Variants in NRG1 observed in about 807,000 individuals in gnomAD.
The protein encoded by NRG1 is neuregulin 1.
A neutral mutation model predicts 63.8 loss-of-function variants in NRG1; 18 were observed. The ratio of observed to expected loss-of-function variants is 0.28; its 90% confidence interval spans 0.19 to 0.42. The LOEUF is 0.42. NRG1 is among the 10% of genes least tolerant of loss of function. NRG1 has a pLI of 1.00. For synonymous variants in NRG1, 302 were observed against 301.3 expected (o/e 1.00, Z -0.02); for missense variants, 762 against 814.7 (o/e 0.94, Z 0.79).
Position 31,862,400 on chromosome 8 carries a change from A to G in NRG1, c.37+222969A>G, listed in dbSNP as rs553108831. On this transcript the variant is annotated intron_variant, in intron 1 of 10. Transcript: ENST00000519301. Reference sequence around the variant, plus strand: ...AGAAGAGAGGAAAATAGTCAATCTGATAGACTGGTGACATTCCATGTAGCC... The same window carrying G: ...AGAAGAGAGGAAAATAGTCAATCTGGTAGACTGGTGACATTCCATGTAGCC... Among the ~76,000 whole-genome samples the G allele has an allele frequency of 5.9e-5, 9 of 152,348 alleles. No individual in the cohort carries two copies. In the East Asian group the frequency reaches 1.7e-3, roughly 29 times the overall value.
At chr8:32,492,023 T>C (rs772289326) in intron 1 of NRG1, among the ~76,000 whole-genome samples, 6 of 152,130 alleles carry the variant, frequency 3.9e-5, no homozygotes, top group Non-Finnish European at 5.9e-5. Context: ...TCATGTATTC[T>C]ACACAAAGCT....
chr8:31,934,373 ATCTT>A (rs1835114991), intron 1 of NRG1, among the ~76,000 whole-genome samples: 1 of 147,664 alleles, frequency 6.8e-6, no homozygotes, highest in Non-Finnish European at 1.5e-5. Flanking sequence ...ACATATATAT[ATCTT>A]TCTCCCCCTA....
chr8:31,892,512 T>G (rs1831233586), intron 1 of NRG1, among the ~76,000 whole-genome samples: 1 of 152,124 alleles, frequency 6.6e-6, no homozygotes, highest in Admixed American at 6.5e-5. Context: ...GGGGAAGTGC[T>G]TAATATATAA....
At chr8:32,196,828 T>TGA (rs1202772255) in intron 1 of NRG1, among the ~76,000 whole-genome samples, 1 of 151,910 alleles carries the variant, frequency 6.6e-6, no homozygotes, top group Non-Finnish European at 1.5e-5. Flanking sequence ...TCTAGCATGA[T>TGA]ATTATTCTAT....
At chr8:31,812,815 G>A (rs1823021572) in intron 1 of NRG1, among the ~76,000 whole-genome samples, 2 of 152,164 alleles carry the variant, frequency 1.3e-5, no homozygotes, top group African/African-American at 4.8e-5. Flanking sequence ...CAGATATCAA[G>A]AGAGCAAAAT....
chr8:31,664,857 A>G (rs1806362630), intron 1 of NRG1, among the ~76,000 whole-genome samples: 1 of 152,236 alleles, frequency 6.6e-6, no homozygotes, highest in Admixed American at 6.5e-5. Flanking sequence ...ATAAAGTGAT[A>G]TGGAAAGCAT....
chr8:32,621,541 C>G (rs1046198216), intron 5 of NRG1, among the ~76,000 whole-genome samples: 6 of 152,180 alleles, frequency 3.9e-5, no homozygotes, highest in Non-Finnish European at 8.8e-5. Flanking sequence ...TTATACCAAC[C>G]ACTTTGCTGA....
At chr8:31,963,805 C>A (rs167858) in intron 1 of NRG1, among the ~76,000 whole-genome samples, 129,105 of 152,114 alleles carry the variant, frequency 0.85, 55,646 homozygotes, top group African/African-American at 0.96. Context: ...ACTTTCCGCT[C>A]TCAGGGGTTA....
chr8:32,033,034 C>G (rs1346193994), intron 1 of NRG1, among the ~76,000 whole-genome samples: 3 of 152,050 alleles, frequency 2.0e-5, no homozygotes, highest in Admixed American at 2.0e-4. Flanking sequence ...TATCCTTTCC[C>G]CATTGCTTGT....
intron 1 of NRG1, among the ~76,000 whole-genome samples, chr8:32,518,623 A>G (rs971261237): frequency 1.3e-5 from 2 of 152,194 alleles, no homozygotes; most frequent in East Asian, 1.9e-4. Flanking sequence ...TGACCATCCA[A>G]TTCTGCAAAG....
At chr8:31,758,478 A>G (rs1382190328) in intron 1 of NRG1, among the ~76,000 whole-genome samples, 1 of 152,194 alleles carries the variant, frequency 6.6e-6, no homozygotes, top group Non-Finnish European at 1.5e-5. Context: ...ATGCCCATCA[A>G]TGATACACTG....
chr8:31,705,235 T>G (rs950297800), intron 1 of NRG1, among the ~76,000 whole-genome samples: 1 of 151,942 alleles, frequency 6.6e-6, no homozygotes, highest in African/African-American at 2.4e-5. Flanking sequence ...TTTAGTAGAG[T>G]TGGGGTTTCA....
chr8:31,931,363 C>G (rs114696774), intron 1 of NRG1, among the ~76,000 whole-genome samples: 1,600 of 152,192 alleles, frequency 0.011, 26 homozygotes, highest in African/African-American at 0.037. Context: ...CATGAAGGTC[C>G]AGGCTTGGAC....
intron 1 of NRG1, among the ~76,000 whole-genome samples, chr8:32,059,602 T>G (rs1264984051): frequency 2.0e-5 from 3 of 152,034 alleles, no homozygotes; most frequent in Admixed American, 1.3e-4. Flanking sequence ...TTTCGAAATT[T>G]GAAAGCTCTG....
chr8:31,708,446 GTT>G (rs771665636), intron 1 of NRG1, among the ~76,000 whole-genome samples: 4 of 85,484 alleles, frequency 4.7e-5, no homozygotes, highest in Admixed American at 1.3e-4. Flanking sequence ...AAACATAATT[GTT>G]TTTTTTTTTT....
At chr8:32,510,469 G>A (rs1829046069) in intron 1 of NRG1, among the ~76,000 whole-genome samples, 2 of 151,544 alleles carry the variant, frequency 1.3e-5, no homozygotes, top group South Asian at 2.1e-4. Context: ...AAGGTGAGAA[G>A]ATGAAGACCT....
At chr8:32,725,785 A>G (rs549429874) in intron 5 of NRG1, among the ~76,000 whole-genome samples, 4 of 152,002 alleles carry the variant, frequency 2.6e-5, no homozygotes, top group Admixed American at 1.3e-4. Context: ...ATTTCCTGAT[A>G]TTTTTAAAGG....
intron 1 of NRG1, among the ~76,000 whole-genome samples, chr8:32,267,457 A>G (rs1290504557): frequency 1.3e-5 from 2 of 152,194 alleles, no homozygotes; most frequent in Non-Finnish European, 2.9e-5. Context: ...TTTGCCAAAT[A>G]CAAAGAAGAG....
chr8:31,917,616 G>T lies in NRG1; in HGVS notation c.37+278185G>T, dbSNP rs183249986. On this transcript the variant is annotated intron_variant, in intron 1 of 10. Transcript: ENST00000519301. ...CTGTTTTGGTTACTGTAGCCTTGTA[G>T]TATAGTTGGAAGTCAGGTAACGTGA... Among the ~76,000 whole-genome samples, 362 of 152,254 alleles carry T rather than the reference G, an allele frequency of 2.4e-3. 2 individuals are homozygous for T. The highest frequency in any genetic ancestry group is 8.2e-3 in the African/African-American group (342 of 41,532).
Sources: gnomAD v4.1 joint callset for allele counts (sites outside exome capture counted in the v4.1 genomes callset) on GRCh38, gnomAD v4.1.1 for gene constraint, MANE v1.5 for transcripts, NCBI Gene and HGNC (gene_info 2026-07-23, HGNC 2026-07-21) for gene names.